The following PPP6R1 variants were observed in gnomAD, a reference collection of about 807,000 sequenced individuals.
The protein encoded by PPP6R1 is serine/threonine-protein phosphatase 6 regulatory subunit 1.
PPP6R1 carries 39 observed loss-of-function variants against 104.6 expected under a neutral mutation model. The ratio of observed to expected loss-of-function variants is 0.37; its 90% CI spans 0.29 to 0.49. PPP6R1 has a LOEUF of 0.49. Among genes scored for constraint, PPP6R1 ranks in the 20% least tolerant of loss-of-function variants. PPP6R1 has a pLI of 0.98. For synonymous variants in PPP6R1, 549 were observed against 479.0 expected (o/e 1.15, Z -1.91); for missense variants, 1,181 against 1,155.8 (o/e 1.02, Z -0.32).
At chr19:55,242,060 GC>G in intron 7 of PPP6R1, 105 bp downstream of exon 7, 2 of 1,059,472 alleles carry the variant, frequency 1.9e-6, no homozygotes, top group South Asian at 2.8e-5. Context: ...AGAGCAAGGT[GC>G]CACGGGCGGG....
At chr19:55,228,469 C>G, downstream of PPP6R1, 3 of 1,604,694 alleles carry the variant, frequency 1.9e-6, no homozygotes, top group Non-Finnish European at 2.5e-6. Flanking sequence ...TGAGCCGAAA[C>G]CCAGCCCAGC....
intron 17 of PPP6R1, 189 bp downstream of exon 17, chr19:55,236,452 AGC>A: frequency 1.6e-6 from 1 of 633,344 alleles, no homozygotes; most frequent in Non-Finnish European, 2.6e-6. Flanking sequence ...GGATTACATG[AGC>A]CCACCATGCT....
rs1281551721 is a variant in PPP6R1, at chr19:55,245,428, C to T, written c.415-26G>A. Reference sequence around the variant, plus strand: ...CTGGGGGCACACGGGCTGCGTCATGCACAGGGCCTGGCCCAGCCACCACCC... The same window carrying T: ...CTGGGGGCACACGGGCTGCGTCATGTACAGGGCCTGGCCCAGCCACCACCC... On this transcript the variant is annotated intron_variant, in intron 3 of 23. Transcript: ENST00000412770. This position sits in a 1 kb window ranked among gnomAD's most constrained non-coding sequence, Gnocchi z 6.4. The T allele has an allele frequency of 6.2e-7, 1 of 1,612,932 alleles. No individual in the cohort carries two copies. The highest frequency in any genetic ancestry group is 8.5e-7 in the Non-Finnish European group (1 of 1,179,542).
intron 15 of PPP6R1, among the ~76,000 whole-genome samples, chr19:55,237,603 CA>C (rs931501786): frequency 2.2e-4 from 33 of 152,286 alleles, no homozygotes; most frequent in African/African-American, 6.5e-4. Flanking sequence ...AATTCTGCCA[CA>C]AAGATCAATG....
intron 11 of PPP6R1, 34 bp from the exon 12 acceptor site, chr19:55,240,148 G>C (rs1046070880): frequency 6.4e-7 from 1 of 1,563,026 alleles, no homozygotes; most frequent in Admixed American, 1.9e-5. Flanking sequence ...TGCAAGCCAG[G>C]ACTGGACCCA....
downstream of PPP6R1, chr19:55,228,850 G>C (rs2087311417): frequency 1.8e-6 from 2 of 1,142,092 alleles, no homozygotes; most frequent in African/African-American, 1.5e-5. Context: ...TGTGGACTCT[G>C]TGACTGATAA....
intron 17 of PPP6R1, among the ~76,000 whole-genome samples, chr19:55,233,871 T>C (rs886274154): frequency 2.6e-5 from 4 of 152,228 alleles, no homozygotes; most frequent in African/African-American, 9.6e-5. Context: ...AAAATTCATA[T>C]GGAATCTCAA....
intron 1 of PPP6R1, among the ~76,000 whole-genome samples, chr19:55,251,506 C>T (rs1351196613): frequency 1.3e-5 from 2 of 152,204 alleles, no homozygotes; most frequent in African/African-American, 2.4e-5. Context: ...AGTGCAAGAT[C>T]GCCCTGGGCA....
chr19:55,232,821 G>A (rs572181241), intron 17 of PPP6R1: 1 of 152,436 alleles, frequency 6.6e-6, no homozygotes, highest in South Asian at 2.1e-4. Flanking sequence ...CCGGGGAAGG[G>A]GTAAGCAAAG....
intron 1 of PPP6R1, among the ~76,000 whole-genome samples, chr19:55,253,026 G>A (rs1250483393): frequency 6.6e-6 from 1 of 152,192 alleles, no homozygotes; most frequent in Non-Finnish European, 1.5e-5. Flanking sequence ...AAGCTGCCAA[G>A]GCTCAGCCCT....
chr19:55,231,503 A>C lies in PPP6R1; in HGVS notation c.2378-12T>G. 6.2e-7 allele frequency: 1 copy of C among 1,603,540 alleles called. No homozygotes were observed. The highest frequency in any genetic ancestry group is 8.5e-7 in the Non-Finnish European group (1 of 1,174,792). On this transcript the variant is annotated splice_polypyrimidine_tract_variant and intron_variant, in intron 20 of 23. Coordinates refer to ENST00000412770, the MANE Select transcript of PPP6R1 (RefSeq NM_014931.4). ...GGCCTGGCAAGGGGCTGTGGGGGAT[A>C]AGAGATCTCAGCTGCAGCTCCCAGC...
In PPP6R1 at chr19:55,241,323, G is replaced by A. The variant is rs1220884542; in HGVS notation, c.1077C>T (p.Val359=). The A allele has an allele frequency of 6.2e-7, 1 of 1,611,802 alleles. No individual in the cohort carries two copies. Residue 359 remains valine, a synonymous_variant, in exon 9 of 24, where the codon GTC becomes GTT. Transcript: ENST00000412770. The surrounding 1 kb of genome is among the most constrained non-coding windows in gnomAD (Gnocchi z 5.4). ...CGCTCAGGGCACTGGCCAGGAGCTT[G>A]ACCACGTGCAGCCGCGTGTTGCCCA... is the stretch of plus-strand genomic sequence containing the variant. ...PPLGNTRLHV[V]KLLASALSAN... is the part of the protein sequence containing the mutation.
chr19:55,232,922 C>T (rs2087363237), intron 17 of PPP6R1: 1 of 152,312 alleles, frequency 6.6e-6, no homozygotes, highest in South Asian at 2.1e-4. Flanking sequence ...TTCTAGAGTG[C>T]ACTTACACAC....
At chr19:55,257,578 C>A (rs181120464) in intron 1 of PPP6R1, among the ~76,000 whole-genome samples, 69 of 152,216 alleles carry the variant, frequency 4.5e-4, no homozygotes, top group African/African-American at 4.1e-4. Flanking sequence ...CCTTCCCCCC[C>A]CGGAAGGCCC....
rs56862874 is a variant in PPP6R1, at chr19:55,239,536, T to C, written c.1654-34A>G. 7.9e-4 allele frequency: 1,270 copies of C among 1,610,724 alleles called. 5 individuals carry two copies. The African/African-American group carries it at 0.014, about 18-fold the overall frequency. On this transcript the variant is annotated intron_variant, in intron 14 of 23. Transcript: ENST00000412770. ...GTGCGGAGGTTAGGGCTGGAGGGAG[T>C]TGGGCAGGACCCCACTCCAGCATAG...
At chr19:55,239,728 C>T (rs776308018) in intron 13 of PPP6R1, 45 bp from the exon 14 acceptor site, 85 of 1,587,606 alleles carry the variant, frequency 5.4e-5, no homozygotes, top group Non-Finnish European at 6.7e-5. Flanking sequence ...GCCCCCAGAC[C>T]AGGGTGGGCA....
chr19:55,253,393 C>T (rs529370726), intron 1 of PPP6R1, among the ~76,000 whole-genome samples: 20 of 152,322 alleles, frequency 1.3e-4, no homozygotes, highest in African/African-American at 4.6e-4. Context: ...TGGCCCTCGG[C>T]CCCCAAACCC....
chr19:55,258,103 G>A (rs549682508), intron 1 of PPP6R1, among the ~76,000 whole-genome samples: 48 of 152,358 alleles, frequency 3.2e-4, no homozygotes, highest in African/African-American at 1.1e-3. Flanking sequence ...CTCCTGGGGG[G>A]CCGGGGAACC....
chr19:55,242,661 T>TG (rs1179731653), intron 5 of PPP6R1, 173 bp from the exon 6 acceptor site: 3 of 624,840 alleles, frequency 4.8e-6, no homozygotes, highest in Non-Finnish European at 8.6e-6. Flanking sequence ...GGAGGGAAGA[T>TG]GGTGGAGAGA....
Sources: gnomAD v4.1 joint callset for allele counts (sites outside exome capture counted in the v4.1 genomes callset) on GRCh38, gnomAD v4.1.1 for gene constraint, Gnocchi (gnomAD v3.1) non-coding constraint, MANE v1.5 for transcripts, NCBI Gene and HGNC (gene_info 2026-07-23, HGNC 2026-07-21) for gene names.